ATRNL1: variants seen among roughly 807,000 people sequenced by gnomAD.
ATRNL1 encodes the protein attractin like 1.
ATRNL1 carries 95 observed loss-of-function variants against 182.7 expected under a neutral mutation model. The observed-to-expected ratio is 0.52, with a 90% CI of 0.44 to 0.62. ATRNL1 has a LOEUF of 0.62. Ranked by LOEUF, ATRNL1 falls within the 20% of genes least tolerant of loss-of-function variation. ATRNL1 has a pLI of 0.00. For synonymous variants in ATRNL1, 576 were observed against 568.3 expected (o/e 1.01, Z -0.19); for missense variants, 1,471 against 1,679.5 (o/e 0.88, Z 2.17).
chr10:115,492,389 T>A, intron 24 of ATRNL1, among the ~76,000 whole-genome samples: 1 of 152,050 alleles, frequency 6.6e-6, no homozygotes, highest in East Asian at 1.9e-4. Flanking sequence ...TTTTGAAAAA[T>A]TAGAGTTTGA....
chr10:115,303,221 G>GT (rs5788103), intron 17 of ATRNL1, among the ~76,000 whole-genome samples: 22,371 of 105,990 alleles, frequency 0.21, 2,972 homozygotes, highest in Non-Finnish European at 0.28. Context: ...TGGTATGCAG[G>GT]TTTTTTTTTT....
chr10:115,566,752 A>C (rs1555002001), intron 26 of ATRNL1, among the ~76,000 whole-genome samples: 1 of 152,128 alleles, frequency 6.6e-6, no homozygotes, highest in African/African-American at 2.4e-5. Flanking sequence ...GAAATAATGC[A>C]ATTATGACTG....
chr10:115,890,162 C>T (rs1952045603), intron 28 of ATRNL1, among the ~76,000 whole-genome samples: 3 of 152,170 alleles, frequency 2.0e-5, no homozygotes, highest in Non-Finnish European at 2.9e-5. Context: ...GAGAAGCCCT[C>T]GTAAGCCTTA....
intron 19 of ATRNL1, among the ~76,000 whole-genome samples, chr10:115,353,872 AC>A (rs1856381835): frequency 6.6e-6 from 1 of 152,000 alleles, no homozygotes; most frequent in African/African-American, 2.4e-5. Flanking sequence ...CTGTACTCTA[AC>A]TTTTCCTCTA....
chr10:115,242,890 C>G lies in ATRNL1; in HGVS notation c.1687+1165C>G, dbSNP rs183192789. On this transcript the variant is annotated intron_variant, in intron 10 of 28. Transcript: ENST00000355044. Reference sequence around the variant, plus strand: ...CCTGACGAACATGGGATTGTCTCAGCTTTTAGGAGGCTCATGAATCATTGT... The same window carrying G: ...CCTGACGAACATGGGATTGTCTCAGGTTTTAGGAGGCTCATGAATCATTGT... Among the ~76,000 whole-genome samples the G allele has an allele frequency of 3.3e-5, 5 of 152,056 alleles. No homozygotes were observed. The East Asian group carries it at 7.7e-4, about 23-fold the overall frequency.
At chr10:115,701,143 C>G (rs1315018062) in intron 26 of ATRNL1, among the ~76,000 whole-genome samples, 1 of 151,830 alleles carries the variant, frequency 6.6e-6, no homozygotes, top group Non-Finnish European at 1.5e-5. Flanking sequence ...GAAATCAATA[C>G]CAATAAGATC....
At chr10:115,886,901 G>C (rs1340193573) in intron 28 of ATRNL1, among the ~76,000 whole-genome samples, 2 of 152,054 alleles carry the variant, frequency 1.3e-5, no homozygotes, top group African/African-American at 4.8e-5. Flanking sequence ...ACATTCTAAG[G>C]CTTTTGATGT....
chr10:115,782,463 T>A (rs186794301), intron 27 of ATRNL1, among the ~76,000 whole-genome samples: 1 of 152,250 alleles, frequency 6.6e-6, no homozygotes, highest in Admixed American at 6.5e-5. Flanking sequence ...AACTTGACAT[T>A]TTGTTGTTAA....
chr10:115,712,593 G>A (rs10749178), intron 26 of ATRNL1, among the ~76,000 whole-genome samples: 56,276 of 151,950 alleles, frequency 0.37, 11,198 homozygotes, highest in Admixed American at 0.54. Context: ...GTGGCTGGGC[G>A]GAGTGGCTCA....
At chr10:115,463,532 T>C (rs114873496) in intron 22 of ATRNL1, among the ~76,000 whole-genome samples, 2,929 of 152,224 alleles carry the variant, frequency 0.019, 112 homozygotes, top group African/African-American at 0.068. Context: ...AAATAACATT[T>C]ATTTAAATAA....
At chr10:115,389,274 C>T (rs1241322164) in intron 19 of ATRNL1, among the ~76,000 whole-genome samples, 14 of 151,516 alleles carry the variant, frequency 9.2e-5, no homozygotes, top group Non-Finnish European at 1.3e-4. Context: ...TGGGAGGCCG[C>T]GGATGGCGGA....
In ATRNL1 at chr10:115,617,009, C is replaced by A. The variant is rs782193262; in HGVS notation, c.3795+67473C>A. 9.9e-4 allele frequency among the ~76,000 whole-genome samples: 151 copies of A among 152,312 alleles called. 2 individuals are homozygous for A. The highest frequency in any genetic ancestry group is 6.2e-4 in the Non-Finnish European group (42 of 68,032). ...GAAGAGGACCACCATGCCTCAGACC[C>A]CAGAATGTTAGAGCCGACTGTAACT... On this transcript the variant is annotated intron_variant, in intron 26 of 28. Coordinates refer to ENST00000355044, the MANE Select transcript of ATRNL1 (RefSeq NM_207303.4).
intron 25 of ATRNL1, among the ~76,000 whole-genome samples, chr10:115,531,620 C>A (rs1554988297): frequency 6.6e-6 from 1 of 150,832 alleles, no homozygotes; most frequent in African/African-American, 2.4e-5. Flanking sequence ...TGTGCAGAAG[C>A]TCTTGAGTTT....
chr10:115,658,614 T>C (rs1052224910), intron 26 of ATRNL1, among the ~76,000 whole-genome samples: 1 of 152,116 alleles, frequency 6.6e-6, no homozygotes, highest in Non-Finnish European at 1.5e-5. Context: ...GTATCCTCCC[T>C]ATCTGGTCAG....
At chr10:115,751,392 TG>T (rs1445201078) in intron 27 of ATRNL1, among the ~76,000 whole-genome samples, 1 of 152,064 alleles carries the variant, frequency 6.6e-6, no homozygotes, top group Non-Finnish European at 1.5e-5. Context: ...ACTAAATTTG[TG>T]GTAACTTGTT....
chr10:115,217,942 A>G (rs1368729824), intron 9 of ATRNL1, among the ~76,000 whole-genome samples: 3 of 152,088 alleles, frequency 2.0e-5, no homozygotes, highest in African/African-American at 7.2e-5. Context: ...TTGCTATTAT[A>G]TATGGATTAT....
chr10:115,325,163 T>C (rs1554932792), intron 18 of ATRNL1, among the ~76,000 whole-genome samples: 2 of 152,188 alleles, frequency 1.3e-5, no homozygotes, highest in Admixed American at 1.3e-4. Context: ...TTTCTGTTTG[T>C]GTGTCCATAA....
At chr10:115,376,346 G>A (rs913467246) in intron 19 of ATRNL1, among the ~76,000 whole-genome samples, 1 of 152,066 alleles carries the variant, frequency 6.6e-6, no homozygotes, top group Admixed American at 6.6e-5. Flanking sequence ...CTAGAGTGCA[G>A]TGGTGTGATC....
At chr10:115,677,787 G>A (rs1945913403) in intron 26 of ATRNL1, among the ~76,000 whole-genome samples, 1 of 151,994 alleles carries the variant, frequency 6.6e-6, no homozygotes, top group African/African-American at 2.4e-5. Flanking sequence ...TAGGGAGGGG[G>A]CTTACCTATC....
Sources: gnomAD v4.1 joint callset for allele counts (sites outside exome capture counted in the v4.1 genomes callset) on GRCh38, gnomAD v4.1.1 for gene constraint, MANE v1.5 for transcripts, NCBI Gene and HGNC (gene_info 2026-07-23, HGNC 2026-07-21) for gene names.